Variants in SYT10 observed in about 807,000 individuals in gnomAD.
SYT10 encodes synaptotagmin 10, also known as synaptotagmin-10.
SYT10 carries 31 observed loss-of-function variants against 51.1 expected under a neutral mutation model. The ratio of observed to expected loss-of-function variants is 0.61; its 90% CI spans 0.46 to 0.82. The LOEUF is 0.82. Ranked by LOEUF, SYT10 falls within the 40% of genes least tolerant of loss-of-function variation. The pLI is 0.00. For synonymous variants in SYT10, 233 were observed against 225.9 expected (o/e 1.03, Z -0.28); for missense variants, 603 against 634.0 (o/e 0.95, Z 0.53).
At chr12:33,399,385 G>A (rs999824016) in intron 3 of SYT10, among the ~76,000 whole-genome samples, 7 of 152,200 alleles carry the variant, frequency 4.6e-5, no homozygotes, top group African/African-American at 1.7e-4. Context: ...TGACTTTTTT[G>A]TTTTGTAAAA....
In SYT10 at chr12:33,374,481, T is replaced by C. The variant is rs1039342875; in HGVS notation, c.*2349A>G. ...GTTATGTGTATATGAATGTGTGGGC[T>C]GTGTAGAGTGAGGGTGTGTTGTATT... is the stretch of plus-strand genomic sequence containing the variant. On this transcript the variant is annotated 3_prime_UTR_variant, in exon 7 of 7. Transcript: ENST00000228567. 2 of 151,740 alleles carry C rather than the reference T, an allele frequency of 1.3e-5. No homozygotes were observed. Among genetic ancestry groups the C allele is most frequent in the Non-Finnish European group, 2.9e-5 (2 of 67,862 alleles). 9.4% of individuals were successfully genotyped at this position (151,740 alleles called of 1,614,324 possible).
intron 1 of SYT10, among the ~76,000 whole-genome samples, chr12:33,435,651 A>G (rs2138442864): frequency 6.6e-6 from 1 of 152,266 alleles, no homozygotes; most frequent in Non-Finnish European, 1.5e-5. Context: ...GATGTGTAAA[A>G]CCCTGTTATG....
rs1200956282 is a variant in SYT10, at chr12:33,407,011, G to A, written c.855C>T (p.Thr285=). ...GATTTAAAGTCTTTCTGTGCACGCG[G>A]GTCTGAAATTTCTTTTTCCTATCTG... The part of the protein sequence containing the change: ...LLPDRKKKFQ[T]RVHRKTLNPL... Residue 285 remains threonine (T), a synonymous_variant, in exon 3 of 7, where the codon ACC becomes ACT. Transcript: ENST00000228567. The A allele has an allele frequency of 6.2e-7, 1 of 1,614,028 alleles. No individual in the cohort carries two copies. The highest frequency in any genetic ancestry group is 8.5e-7 in the Non-Finnish European group (1 of 1,180,008).
At chr12:33,411,101 T>C (rs1489990105) in intron 2 of SYT10, among the ~76,000 whole-genome samples, 2 of 152,212 alleles carry the variant, frequency 1.3e-5, no homozygotes, top group Admixed American at 1.3e-4. Context: ...AATTAAAATT[T>C]CACTGAGGCA....
intron 3 of SYT10, among the ~76,000 whole-genome samples, chr12:33,397,804 A>G (rs1335558506): frequency 6.6e-6 from 1 of 152,040 alleles, no homozygotes; most frequent in East Asian, 1.9e-4. Flanking sequence ...TATGAATCTG[A>G]GTTGAAAATA....
At chr12:33,377,044 C>G in intron 6 of SYT10, 143 bp from the exon 7 acceptor site, 1 of 808,964 alleles carries the variant, frequency 1.2e-6, no homozygotes, top group South Asian at 1.7e-5. Flanking sequence ...CTTTGCCCTT[C>G]AGAACTTACC....
chr12:33,377,828 A>G (rs1866077256), intron 6 of SYT10, among the ~76,000 whole-genome samples: 1 of 151,762 alleles, frequency 6.6e-6, no homozygotes, highest in Non-Finnish European at 1.5e-5. Context: ...GGGTTTCACC[A>G]TGTTGGCCAG....
intron 2 of SYT10, among the ~76,000 whole-genome samples, chr12:33,419,164 A>C (rs1866479174): frequency 6.6e-6 from 1 of 152,140 alleles, no homozygotes; most frequent in African/African-American, 2.4e-5. Flanking sequence ...AATGTTTAAA[A>C]TTACAACACT....
At chr12:33,384,969 A>C (rs564517545) in intron 4 of SYT10, among the ~76,000 whole-genome samples, 6 of 152,328 alleles carry the variant, frequency 3.9e-5, no homozygotes, top group Middle Eastern at 3.4e-3. Context: ...ATTCAGATCT[A>C]TTTGATAACA....
At chr12:33,439,057 A>G (rs911330245) in intron 1 of SYT10, among the ~76,000 whole-genome samples, 1 of 152,010 alleles carries the variant, frequency 6.6e-6, no homozygotes, top group Non-Finnish European at 1.5e-5. Flanking sequence ...TCACTTCTCC[A>G]CTCCGGGAGG....
chr12:33,421,371 ATAAAT>A (rs1419319719), intron 2 of SYT10, among the ~76,000 whole-genome samples: 8 of 152,216 alleles, frequency 5.3e-5, no homozygotes, highest in Non-Finnish European at 1.0e-4. Flanking sequence ...CCTAAAGGTG[ATAAAT>A]CTATATAATT....
In SYT10 at chr12:33,376,365, ATGT is replaced by A. The variant is rs915301789; in HGVS notation, c.*462_*464del. On this transcript the variant is annotated 3_prime_UTR_variant, in exon 7 of 7. Transcript: ENST00000228567. ...ATTAATTTGATTGTGCAAGGATTTA[ATGT>A]TGTGTAAGTTAAGTTCAAAATCTCC... 1 of 154,186 alleles carries A rather than the reference ATGT, an allele frequency of 6.5e-6. No individual in the cohort carries two copies. Among genetic ancestry groups the A allele is most frequent in the Non-Finnish European group, 1.4e-5 (1 of 69,310 alleles). 9.6% of individuals were successfully genotyped at this position (154,186 alleles called of 1,614,324 possible).
intron 1 of SYT10, among the ~76,000 whole-genome samples, chr12:33,434,046 G>A (rs1396207442): frequency 6.6e-6 from 1 of 152,164 alleles, no homozygotes; most frequent in Non-Finnish European, 1.5e-5. Context: ...TTTGAATCAT[G>A]AGATAGTTAC....
intron 3 of SYT10, among the ~76,000 whole-genome samples, chr12:33,394,210 A>G (rs967429228): frequency 3.3e-5 from 5 of 152,198 alleles, no homozygotes; most frequent in Non-Finnish European, 7.3e-5. Flanking sequence ...ATATTGAAAA[A>G]TCTAAAAGCA....
At chr12:33,438,918 C>T (rs1278073126) in intron 1 of SYT10, among the ~76,000 whole-genome samples, 1 of 152,260 alleles carries the variant, frequency 6.6e-6, no homozygotes, top group South Asian at 2.1e-4. Context: ...GTCCGTCCCG[C>T]CTGGCCCCCA....
chr12:33,419,266 ATG>A (rs200721885), intron 2 of SYT10, among the ~76,000 whole-genome samples: 2 of 152,140 alleles, frequency 1.3e-5, no homozygotes, highest in Non-Finnish European at 1.5e-5. Context: ...ACTTATAAGA[ATG>A]TGTGTGTGTG....
chr12:33,408,980 G>C (rs1274159092), intron 2 of SYT10, among the ~76,000 whole-genome samples: 1 of 151,582 alleles, frequency 6.6e-6, no homozygotes, highest in Middle Eastern at 3.2e-3. Context: ...TTGCTGTGGA[G>C]TCCAGATCCT....
intron 2 of SYT10, among the ~76,000 whole-genome samples, chr12:33,418,270 C>T (rs1384822964): frequency 6.6e-6 from 1 of 152,148 alleles, no homozygotes; most frequent in African/African-American, 2.4e-5. Context: ...GTTCCGCCCT[C>T]CCAGCTTCCC....
chr12:33,395,865 ATTCAT>A (rs1049627169), intron 3 of SYT10, among the ~76,000 whole-genome samples: 3 of 112,920 alleles, frequency 2.7e-5, no homozygotes, highest in Non-Finnish European at 5.2e-5. Context: ...TCACAAGAAA[ATTCAT>A]TTCTTTTCCT....
Sources: gnomAD v4.1 joint callset for allele counts (sites outside exome capture counted in the v4.1 genomes callset) on GRCh38, gnomAD v4.1.1 for gene constraint, MANE v1.5 for transcripts, NCBI Gene and HGNC (gene_info 2026-07-23, HGNC 2026-07-21) for gene names.